Variants in MARCHF4 observed in about 807,000 individuals in gnomAD.
MARCHF4 encodes the protein membrane associated ring-CH-type finger 4, also known as E3 ubiquitin-protein ligase MARCHF4.
A neutral mutation model predicts 43.9 loss-of-function variants in MARCHF4; 14 were observed. The ratio of observed to expected loss-of-function variants is 0.32; its 90% CI spans 0.21 to 0.50. MARCHF4 has a LOEUF of 0.50. Among genes scored for constraint, MARCHF4 ranks in the 20% least tolerant of loss-of-function variants. The pLI is 0.98. For synonymous variants in MARCHF4, 226 were observed against 213.3 expected (o/e 1.06, Z -0.52); for missense variants, 468 against 536.7 (o/e 0.87, Z 1.27).
chr2:216,336,413 C>T, intron 1 of MARCHF4, among the ~76,000 whole-genome samples: 1 of 152,104 alleles, frequency 6.6e-6, no homozygotes, highest in Admixed American at 6.5e-5. Context: ...AAAACCCATC[C>T]ACTCAGACTT....
intron 1 of MARCHF4, among the ~76,000 whole-genome samples, chr2:216,291,233 C>T (rs1020115987): frequency 1.3e-4 from 20 of 152,144 alleles, no homozygotes; most frequent in Non-Finnish European, 2.4e-4. Context: ...GCCAAGAAGA[C>T]GACACTGTTT....
chr2:216,348,908 T>A (rs534274681), intron 1 of MARCHF4, among the ~76,000 whole-genome samples: 2 of 152,212 alleles, frequency 1.3e-5, no homozygotes, highest in South Asian at 4.1e-4. Flanking sequence ...ATTTTTTTGG[T>A]TTGGTTCCAG....
At position 216,267,964 on chromosome 2, in the gene MARCHF4, G is replaced by A. The variant is rs182333392; in HGVS notation, c.866-8285C>T. Among the ~76,000 whole-genome samples, 24 of 152,316 alleles carry A rather than the reference G, an allele frequency of 1.6e-4. No individual in the cohort carries two copies. The East Asian group carries it at 1.7e-3, about 11-fold the overall frequency. The stretch of plus-strand genomic sequence containing the variant: ...CACTTGGCTGTGGAGATTGGTGGCC[G>A]TCACAGGAGGCCCCGGGTGGGTGGG... On this transcript the variant is annotated intron_variant, in intron 3 of 3. Coordinates refer to ENST00000273067, the MANE Select transcript of MARCHF4 (RefSeq NM_020814.3).
intron 3 of MARCHF4, among the ~76,000 whole-genome samples, chr2:216,267,494 G>A (rs1690864674): frequency 1.3e-5 from 2 of 152,168 alleles, no homozygotes; most frequent in Non-Finnish European, 2.9e-5. Flanking sequence ...AGGAGTTTGG[G>A]ACTCCAAATT....
chr2:216,310,470 T>C (rs535197823), intron 1 of MARCHF4, among the ~76,000 whole-genome samples: 2 of 152,224 alleles, frequency 1.3e-5, no homozygotes, highest in Admixed American at 1.3e-4. Flanking sequence ...TTATGTTGCC[T>C]GGACTGGCCT....
intron 1 of MARCHF4, among the ~76,000 whole-genome samples, chr2:216,361,244 A>G (rs1355567186): frequency 6.6e-6 from 1 of 152,158 alleles, no homozygotes; most frequent in East Asian, 1.9e-4. Context: ...TATTATCACT[A>G]TGGTGAGATT....
chr2:216,371,868 G>C lies in MARCHF4; in HGVS notation c.-1608C>G, dbSNP rs921812276. Reference sequence around the variant, plus strand: ...CCCCCACCAAGGGCGGCCTCGGCCCGCTCTCTGCCCCCCCACCCCGCCCCT... The same window carrying C: ...CCCCCACCAAGGGCGGCCTCGGCCCCCTCTCTGCCCCCCCACCCCGCCCCT... On this transcript the variant is annotated 5_prime_UTR_variant, in exon 1 of 4. Transcript: ENST00000273067. 2.0e-5 allele frequency: 3 copies of C among 152,032 alleles called. No homozygotes were observed. Among genetic ancestry groups the C allele is most frequent in the South Asian group, 4.1e-4 (2 of 4,832 alleles). 9.4% of individuals were successfully genotyped at this position (152,032 alleles called of 1,614,324 possible). A position where few individuals can be genotyped will look rare whatever the true frequency, so the allele number is the denominator to read the frequency against.
chr2:216,317,116 C>G (rs1016684674), intron 1 of MARCHF4, among the ~76,000 whole-genome samples: 2 of 151,966 alleles, frequency 1.3e-5, no homozygotes, highest in African/African-American at 4.8e-5. Context: ...GATATGAGTG[C>G]CCCCACCCCC....
At chr2:216,358,054 A>G (rs2105983073) in intron 1 of MARCHF4, among the ~76,000 whole-genome samples, 1 of 152,342 alleles carries the variant, frequency 6.6e-6, no homozygotes, top group South Asian at 2.1e-4. Context: ...TGTTTAATGT[A>G]TGTTTGTGAT....
chr2:216,297,125 G>A (rs897919959), intron 1 of MARCHF4, among the ~76,000 whole-genome samples: 2 of 152,208 alleles, frequency 1.3e-5, no homozygotes, highest in African/African-American at 4.8e-5. Context: ...ACTTCGGTCT[G>A]TTGACTCCAA....
intron 3 of MARCHF4, among the ~76,000 whole-genome samples, chr2:216,260,118 C>T (rs1690717415): frequency 1.3e-5 from 2 of 152,246 alleles, no homozygotes; most frequent in South Asian, 4.1e-4. Context: ...AGAAATCCCA[C>T]TGGTTAACTC....
intron 1 of MARCHF4, among the ~76,000 whole-genome samples, chr2:216,287,982 C>T (rs1317440696): frequency 1.3e-5 from 2 of 151,782 alleles, no homozygotes; most frequent in Admixed American, 6.6e-5. Flanking sequence ...TCCTTTGAGA[C>T]ACGATTTCAC....
intron 1 of MARCHF4, among the ~76,000 whole-genome samples, chr2:216,294,608 G>T (rs1200743848): frequency 2.0e-5 from 3 of 152,134 alleles, no homozygotes; most frequent in African/African-American, 4.8e-5. Context: ...TGATTTCTTG[G>T]TTCTCAGAGT....
At chr2:216,279,844 T>C (rs1691099423) in intron 2 of MARCHF4, among the ~76,000 whole-genome samples, 1 of 152,226 alleles carries the variant, frequency 6.6e-6, no homozygotes, top group Non-Finnish European at 1.5e-5. Context: ...TACAGACTTC[T>C]TTCATGCACA....
At chr2:216,308,595 G>T (rs77565154) in intron 1 of MARCHF4, among the ~76,000 whole-genome samples, 1,635 of 152,260 alleles carry the variant, frequency 0.011, 32 homozygotes, top group African/African-American at 0.037. Context: ...TGTAAGCCAG[G>T]CCTGCACTCT....
At chr2:216,364,402 T>C (rs1020670770) in intron 1 of MARCHF4, among the ~76,000 whole-genome samples, 3 of 152,164 alleles carry the variant, frequency 2.0e-5, no homozygotes, top group African/African-American at 7.2e-5. Flanking sequence ...CCCTTTGCAG[T>C]GCTCCCCTTA....
intron 3 of MARCHF4, among the ~76,000 whole-genome samples, chr2:216,262,529 T>C (rs543160134): frequency 1.3e-5 from 2 of 152,212 alleles, no homozygotes; most frequent in South Asian, 2.1e-4. Context: ...CAAGTCTTTA[T>C]GAGGTTAGAG....
At chr2:216,320,391 C>T (rs1343433398) in intron 1 of MARCHF4, among the ~76,000 whole-genome samples, 2 of 152,186 alleles carry the variant, frequency 1.3e-5, no homozygotes, top group Non-Finnish European at 2.9e-5. Flanking sequence ...TTGCTTAACT[C>T]ATTCAATCCT....
intron 1 of MARCHF4, among the ~76,000 whole-genome samples, chr2:216,302,826 A>G (rs961570395): frequency 5.1e-5 from 7 of 137,370 alleles, no homozygotes; most frequent in Admixed American, 7.7e-5. Context: ...TGAACCTGGG[A>G]GGTGGAGGTT....
Sources: allele counts gnomAD v4.1 joint callset (sites outside exome capture counted in the v4.1 genomes callset), GRCh38; gene constraint gnomAD v4.1.1; transcripts MANE v1.5; gene names NCBI Gene and HGNC (gene_info 2026-07-23, HGNC 2026-07-21).